MALRD1: variants seen among roughly 807,000 people sequenced by gnomAD.
The protein encoded by MALRD1 is MAM and LDL-receptor class A domain-containing protein 1.
MALRD1 carries 247 observed loss-of-function variants against 242.1 expected under a neutral mutation model. That is an observed-to-expected ratio of 1.02 (90% confidence interval 0.92 to 1.13). The LOEUF is 1.13. MALRD1 is among the 50% of genes most tolerant of loss of function. The probability of loss-of-function intolerance (pLI) is 0.00; values close to 1 mark genes in which losing one functional copy is unlikely to be tolerated. For missense variants in MALRD1, 2,989 were observed against 2,533.1 expected (o/e 1.18, Z -3.86); for synonymous variants, 995 against 866.6 (o/e 1.15, Z -2.60).
At chr10:19,122,429 T>C (rs1837095754) in intron 5 of MALRD1, among the ~76,000 whole-genome samples, 1 of 151,926 alleles carries the variant, frequency 6.6e-6, no homozygotes, top group Non-Finnish European at 1.5e-5. Context: ...TAAGAAGAGA[T>C]CAAGAAACTG....
intron 18 of MALRD1, among the ~76,000 whole-genome samples, chr10:19,237,691 T>G (rs11009065): frequency 8.3e-6 from 1 of 120,766 alleles, no homozygotes; most frequent in Non-Finnish European, 1.6e-5. Context: ...AATTTATATA[T>G]AAATACATAA....
chr10:19,566,666 GATAT>G (rs1226026765), intron 32 of MALRD1, among the ~76,000 whole-genome samples: 2 of 150,516 alleles, frequency 1.3e-5, no homozygotes, highest in Non-Finnish European at 3.0e-5. Flanking sequence ...AATATATAGA[GATAT>G]ATAGATAGTA....
intron 23 of MALRD1, among the ~76,000 whole-genome samples, chr10:19,329,121 A>AT (rs1250251162): frequency 2.0e-5 from 3 of 152,170 alleles, no homozygotes; most frequent in African/African-American, 7.2e-5. Flanking sequence ...TATACCCCTG[A>AT]TTTTTTTGAC....
At chr10:19,571,746 G>A (rs1836551770) in intron 33 of MALRD1, among the ~76,000 whole-genome samples, 2 of 152,078 alleles carry the variant, frequency 1.3e-5, no homozygotes, top group South Asian at 4.1e-4. Flanking sequence ...TAGGAAATGT[G>A]AAAAAGTCTA....
intron 28 of MALRD1, among the ~76,000 whole-genome samples, chr10:19,433,143 G>C (rs947559123): frequency 6.6e-6 from 1 of 152,114 alleles, no homozygotes; most frequent in Non-Finnish European, 1.5e-5. Flanking sequence ...ATATTTATCA[G>C]GTTATCATAC....
chr10:19,647,586 A>G (rs1840709611), intron 36 of MALRD1, among the ~76,000 whole-genome samples: 1 of 152,184 alleles, frequency 6.6e-6, no homozygotes, highest in South Asian at 2.1e-4. Flanking sequence ...CACTGTCCCA[A>G]GTAAACCAGG....
chr10:19,451,899 C>A (rs1027548430), intron 29 of MALRD1, among the ~76,000 whole-genome samples: 4 of 152,042 alleles, frequency 2.6e-5, no homozygotes, highest in African/African-American at 7.2e-5. Context: ...GCATGTAGCT[C>A]CAGGTATCTA....
chr10:19,571,992 T>G (rs961510020), intron 33 of MALRD1, among the ~76,000 whole-genome samples: 3 of 152,170 alleles, frequency 2.0e-5, no homozygotes, highest in South Asian at 4.1e-4. Flanking sequence ...TTGTCGTTTT[T>G]ACCACCACCA....
intron 30 of MALRD1, among the ~76,000 whole-genome samples, chr10:19,496,308 C>G (rs541194624): frequency 6.6e-6 from 1 of 152,298 alleles, no homozygotes; most frequent in African/African-American, 2.4e-5. Context: ...ATTGACCACA[C>G]AGTTGTACAT....
At chr10:19,611,600 A>G (rs1838899095) in intron 35 of MALRD1, among the ~76,000 whole-genome samples, 1 of 152,010 alleles carries the variant, frequency 6.6e-6, no homozygotes, top group South Asian at 2.1e-4. Context: ...ACCTCTGCTA[A>G]TGGTAATATT....
intron 28 of MALRD1, among the ~76,000 whole-genome samples, chr10:19,407,207 C>G (rs560974511): frequency 9.7e-4 from 148 of 152,278 alleles, no homozygotes; most frequent in African/African-American, 3.4e-3. Flanking sequence ...TGGTGGCTCA[C>G]AGCTGTAATC....
chr10:19,372,549 A>T (rs1335872499), intron 26 of MALRD1, among the ~76,000 whole-genome samples: 2 of 151,654 alleles, frequency 1.3e-5, no homozygotes, highest in East Asian at 1.9e-4. Context: ...GCTCACTGCA[A>T]CCTCCACCTC....
At chr10:19,446,973 C>A (rs983364085) in intron 28 of MALRD1, among the ~76,000 whole-genome samples, 1 of 150,472 alleles carries the variant, frequency 6.6e-6, no homozygotes, top group Non-Finnish European at 1.5e-5. Flanking sequence ...GGTGAAGTAA[C>A]GACATATGTG....
At chr10:19,602,558 G>C (rs145060086) in intron 34 of MALRD1, among the ~76,000 whole-genome samples, 3,305 of 151,958 alleles carry the variant, frequency 0.022, 136 homozygotes, top group African/African-American at 0.076. Context: ...GTGTTCCATG[G>C]TGTATATGTG....
intron 4 of MALRD1, among the ~76,000 whole-genome samples, chr10:19,095,605 G>A (rs138504168): frequency 6.6e-6 from 1 of 152,082 alleles, no homozygotes; most frequent in Non-Finnish European, 1.5e-5. Flanking sequence ...CCTACACCAT[G>A]TTAAGGGAAG....
chr10:19,461,271 C>T lies in MALRD1; in HGVS notation c.5029+10781C>T, dbSNP rs183129898. Among the ~76,000 whole-genome samples the T allele has an allele frequency of 2.4e-3, 367 of 152,206 alleles. 3 individuals carry two copies. The highest frequency in any genetic ancestry group is 7.4e-3 in the African/African-American group (306 of 41,524). ...ACACAAATTGTCTGGAAAGTTGTCT[C>T]AGAGGAACTGGGAAATGAAGAGTTT... On this transcript the variant is annotated intron_variant, in intron 29 of 39. Transcript: ENST00000454679.
At chr10:19,070,043 A>G (rs1835094624) in intron 2 of MALRD1, among the ~76,000 whole-genome samples, 1 of 151,844 alleles carries the variant, frequency 6.6e-6, no homozygotes. Flanking sequence ...ATATATTTTG[A>G]TTTTGTTTTC....
intron 36 of MALRD1, among the ~76,000 whole-genome samples, chr10:19,656,569 C>T (rs1043133445): frequency 1.3e-5 from 2 of 152,106 alleles, no homozygotes; most frequent in African/African-American, 2.4e-5. Flanking sequence ...CAGTATTTCA[C>T]ACAGCAAACA....
chr10:19,123,699 C>A, intron 6 of MALRD1, 106 bp downstream of exon 6: 2 of 548,986 alleles, frequency 3.6e-6, no homozygotes, highest in Non-Finnish European at 5.5e-6. Context: ...ACATTAATGT[C>A]CTAGTTTTAG....
Sources: gnomAD v4.1 joint callset for allele counts (sites outside exome capture counted in the v4.1 genomes callset) on GRCh38, gnomAD v4.1.1 for gene constraint, MANE v1.5 for transcripts, NCBI Gene and HGNC (gene_info 2026-07-23, HGNC 2026-07-21) for gene names.